Variants in CAGE1 observed in about 807,000 individuals in gnomAD.
CAGE1 encodes the protein cancer antigen 1.
CAGE1 carries 66 observed loss-of-function variants against 94.9 expected under a neutral mutation model. The ratio of observed to expected loss-of-function variants is 0.70; its 90% CI spans 0.57 to 0.85. The LOEUF (loss-of-function observed/expected upper bound fraction) is 0.85, where lower values mean the gene tolerates loss of function less well. Among genes scored for constraint, CAGE1 ranks in the 40% least tolerant of loss-of-function variants. The pLI is 0.00. For synonymous variants in CAGE1, 319 were observed against 321.0 expected, an observed-to-expected ratio of 0.99 and a Z score of 0.07; for missense variants, 865 against 950.4, an observed-to-expected ratio of 0.91 and a Z score of 1.18.
At chr6:7,387,395 A>C (rs184941921) in intron 1 of CAGE1, among the ~76,000 whole-genome samples, 199 bp from the exon 2 acceptor site, 276 of 152,322 alleles carry the variant, frequency 1.8e-3, no homozygotes, top group African/African-American at 6.2e-3. Flanking sequence ...AAAAACAAAC[A>C]GTATTGGCTA....
At chr6:7,375,274 C>T (rs1760698751) in intron 4 of CAGE1, among the ~76,000 whole-genome samples, 4 of 151,194 alleles carry the variant, frequency 2.6e-5, no homozygotes, top group South Asian at 2.1e-4. Context: ...CTGCGCGTGG[C>T]GGTGTGCACC....
chr6:7,389,141 A>G (rs1372349303), intron 1 of CAGE1, 61 bp downstream of exon 1: 1 of 398,364 alleles, frequency 2.5e-6, no homozygotes, highest in African/African-American at 2.1e-5. Context: ...GTGTCACGGG[A>G]GTTACTCGCA....
intron 4 of CAGE1, among the ~76,000 whole-genome samples, chr6:7,376,118 G>A (rs1346976324): frequency 6.6e-6 from 1 of 152,028 alleles, no homozygotes; most frequent in African/African-American, 2.4e-5. Context: ...GGCTGGGAGT[G>A]GTGGCTCACA....
At chr6:7,343,363 C>CA (rs1759266139) in intron 11 of CAGE1, among the ~76,000 whole-genome samples, 1 of 152,104 alleles carries the variant, frequency 6.6e-6, no homozygotes, top group African/African-American at 2.4e-5. Context: ...TCTCTATGAT[C>CA]AAGGTATAAA....
chr6:7,333,282 G>C (rs1017640172), intron 12 of CAGE1, among the ~76,000 whole-genome samples: 1 of 152,030 alleles, frequency 6.6e-6, no homozygotes, highest in Non-Finnish European at 1.5e-5. Flanking sequence ...AACCACACAG[G>C]GTTTGCGCAT....
At chr6:7,378,231 A>G (rs1431713881) in intron 4 of CAGE1, among the ~76,000 whole-genome samples, 1 of 152,232 alleles carries the variant, frequency 6.6e-6, no homozygotes, top group African/African-American at 2.4e-5. Flanking sequence ...TATTATATTC[A>G]AGGAAACATA....
intron 9 of CAGE1, among the ~76,000 whole-genome samples, chr6:7,358,069 T>TATATATATATATAC (rs1760040991): frequency 8.4e-6 from 1 of 119,252 alleles, no homozygotes; most frequent in Non-Finnish European, 1.7e-5. Flanking sequence ...TATATATATA[T>TATATATATATATAC]ATGCCTCCAA....
At position 7,389,730 on chromosome 6, in the gene CAGE1, TC is replaced by T; in HGVS notation, c.-553del. The stretch of plus-strand genomic sequence containing the variant: ...ATCCACAGCCCTATACAGCGCGCCA[TC>T]CAGAGAGCTCCGGACTCCCAGCTCG... On this transcript the variant is annotated 5_prime_UTR_variant, in exon 1 of 14. Transcript: ENST00000502583. 1 of 559,586 alleles carries T rather than the reference TC, an allele frequency of 1.8e-6. No homozygotes were observed. Among genetic ancestry groups the T allele is most frequent in the Non-Finnish European group, 3.2e-6 (1 of 311,886 alleles). 34.7% of individuals were successfully genotyped at this position (559,586 alleles called of 1,614,324 possible). A position where few individuals can be genotyped will look rare whatever the true frequency, so the allele number is the denominator to read the frequency against.
intron 7 of CAGE1, among the ~76,000 whole-genome samples, chr6:7,366,686 T>C (rs566594313): frequency 6.6e-6 from 1 of 152,162 alleles, no homozygotes; most frequent in Non-Finnish European, 1.5e-5. Flanking sequence ...ATGAGGACTC[T>C]TGGAAGCCTG....
At chr6:7,341,378 G>T (rs1561849308) in intron 11 of CAGE1, 1 of 795,812 alleles carries the variant, frequency 1.3e-6, no homozygotes, top group Non-Finnish European at 2.2e-6. Context: ...GACTTTTCAT[G>T]CTTAGGACAC....
At chr6:7,341,748 A>G in intron 11 of CAGE1, 1 of 690,530 alleles carries the variant, frequency 1.4e-6, no homozygotes, top group Non-Finnish European at 2.8e-6. Context: ...CGCTTGGATC[A>G]CACAGAACCA....
At chr6:7,368,031 T>G (rs1489541709) in intron 7 of CAGE1, among the ~76,000 whole-genome samples, 1 of 151,998 alleles carries the variant, frequency 6.6e-6, no homozygotes, top group African/African-American at 2.4e-5. Context: ...GGTCAGGAGT[T>G]CAATGGCTGC....
intron 12 of CAGE1, among the ~76,000 whole-genome samples, chr6:7,330,682 T>C (rs568246078): frequency 6.6e-6 from 1 of 152,128 alleles, no homozygotes; most frequent in Non-Finnish European, 1.5e-5. Flanking sequence ...TGAGATCAAT[T>C]GGGCCAGTCA....
Position 7,339,488 on chromosome 6 carries a change from CTGAG to C in CAGE1, c.2370-5402_2370-5399del, listed in dbSNP as rs1462070308. On this transcript the variant is annotated intron_variant, in intron 11 of 13. Coordinates refer to ENST00000502583, the MANE Select transcript of CAGE1 (RefSeq NM_001170692.2). This position sits in a 1 kb window ranked among gnomAD's most constrained non-coding sequence, Gnocchi z 4.7. ...CAGAGTAGCCATCTTCAGCCAGCTCCTGAGTAAGAAACTCATTCATTTCAGCTTA... is the reference window on the plus strand; with the variant it reads ...CAGAGTAGCCATCTTCAGCCAGCTCCTAAGAAACTCATTCATTTCAGCTTA... 5.7e-6 allele frequency: 5 copies of C among 874,398 alleles called. No homozygotes were observed. The African/African-American group carries it at 6.6e-5, about 11-fold the overall frequency. 54.2% of individuals were successfully genotyped at this position (874,398 alleles called of 1,614,324 possible). A position where few individuals can be genotyped will look rare whatever the true frequency, so the allele number is the denominator to read the frequency against.
At position 7,387,863 on chromosome 6, in the gene CAGE1, CAAAAA is replaced by C. The variant is rs70978962; in HGVS notation, c.-23-672_-23-668del. Among the ~76,000 whole-genome samples the C allele has an allele frequency of 7.0e-3, 765 of 108,922 alleles. 8 individuals carry two copies. Among genetic ancestry groups the C allele is most frequent in the African/African-American group, 0.022 (664 of 30,106 alleles). 71.5% of individuals were successfully genotyped at this position (108,922 alleles called of 152,430 possible). ...TGAAACCCCATCTCTACTAAAAATA[CAAAAA>C]AAAAAAAAAAAAAAAATTAGCTGGG... On this transcript the variant is annotated intron_variant, in intron 1 of 13. Transcript: ENST00000502583.
At chr6:7,385,285 G>A (rs914824188) in intron 3 of CAGE1, among the ~76,000 whole-genome samples, 10 of 151,404 alleles carry the variant, frequency 6.6e-5, no homozygotes, top group Non-Finnish European at 1.2e-4. Flanking sequence ...GATTACAGGC[G>A]TGAGCCACCG....
Position 7,326,908 on chromosome 6 carries a change from G to T in CAGE1, c.2479-9C>A. On this transcript the variant is annotated splice_polypyrimidine_tract_variant and intron_variant, in intron 13 of 13. Coordinates refer to ENST00000502583, the MANE Select transcript of CAGE1 (RefSeq NM_001170692.2). Reference sequence around the variant, plus strand: ...TTAAAAAGAGCTGGCATCTAAAAATGAAAGGAAAAATGTTTCGTAAGTTTT... The same window carrying T: ...TTAAAAAGAGCTGGCATCTAAAAATTAAAGGAAAAATGTTTCGTAAGTTTT... 1 of 1,580,902 alleles carries T rather than the reference G, an allele frequency of 6.3e-7. No individual in the cohort carries two copies. The highest frequency in any genetic ancestry group is 8.7e-7 in the Non-Finnish European group (1 of 1,150,646).
At chr6:7,354,998 T>G in intron 11 of CAGE1, 43 bp downstream of exon 11, 2 of 1,328,784 alleles carry the variant, frequency 1.5e-6, no homozygotes, top group South Asian at 2.5e-5. Context: ...AATAAGGTAT[T>G]AGTAAATATT....
At chr6:7,328,962 C>G (rs1437818377) in intron 13 of CAGE1, 1 of 144,230 alleles carries the variant, frequency 6.9e-6, no homozygotes, top group Non-Finnish European at 1.4e-5. Context: ...GATAGAGTCT[C>G]TCTCTGTCGC....
Sources: allele counts gnomAD v4.1 joint callset (sites outside exome capture counted in the v4.1 genomes callset), GRCh38; gene constraint gnomAD v4.1.1; non-coding constraint Gnocchi (gnomAD v3.1); transcripts MANE v1.5; gene names NCBI Gene and HGNC (gene_info 2026-07-23, HGNC 2026-07-21).